Variants in IMMP2L observed in about 807,000 individuals in gnomAD.
IMMP2L encodes mitochondrial inner membrane protease subunit 2.
IMMP2L carries 18 observed loss-of-function variants against 19.3 expected under a neutral mutation model. That is an observed-to-expected ratio of 0.93 (90% CI 0.64 to 1.38). The LOEUF (loss-of-function observed/expected upper bound fraction) is 1.38. Among genes scored for constraint, IMMP2L ranks in the 40% most tolerant of loss-of-function variants. IMMP2L has a pLI of 0.00. For synonymous variants in IMMP2L, 76 were observed against 73.0 expected, an observed-to-expected ratio of 1.04 and a Z score of -0.21; for missense variants, 233 against 218.2, an observed-to-expected ratio of 1.07 and a Z score of -0.43.
At chr7:111,220,122 T>C (rs1812357849) in intron 3 of IMMP2L, among the ~76,000 whole-genome samples, 1 of 152,060 alleles carries the variant, frequency 6.6e-6, no homozygotes, top group Admixed American at 6.6e-5. Context: ...ATTACATTTT[T>C]CCAGGTACTG....
chr7:110,701,047 CTGTTT>C (rs1183766624), intron 5 of IMMP2L, among the ~76,000 whole-genome samples: 5 of 152,116 alleles, frequency 3.3e-5, no homozygotes, highest in African/African-American at 4.8e-5. Context: ...GTTAAGGAAT[CTGTTT>C]TGTTTTATGA....
intron 3 of IMMP2L, among the ~76,000 whole-genome samples, chr7:111,175,972 A>C (rs1486466087): frequency 1.3e-5 from 2 of 152,008 alleles, no homozygotes; most frequent in African/African-American, 2.4e-5. Flanking sequence ...ATCTGAATAG[A>C]TATTTCTCAA....
At chr7:110,922,162 A>G (rs2129550592) in intron 4 of IMMP2L, among the ~76,000 whole-genome samples, 1 of 152,332 alleles carries the variant, frequency 6.6e-6, no homozygotes, top group East Asian at 1.9e-4. Flanking sequence ...AAATAGAAGC[A>G]TTTAAAGAAC....
At chr7:111,450,279 C>T (rs575729154) in intron 3 of IMMP2L, among the ~76,000 whole-genome samples, 1 of 151,312 alleles carries the variant, frequency 6.6e-6, no homozygotes, top group South Asian at 2.1e-4. Context: ...AAGAACAAAG[C>T]TGGAGGCATC....
chr7:111,081,293 AAAG>A (rs1795869575), intron 3 of IMMP2L, among the ~76,000 whole-genome samples: 1 of 152,256 alleles, frequency 6.6e-6, no homozygotes, highest in African/African-American at 2.4e-5. Flanking sequence ...TTTAAGGAAA[AAAG>A]AAAATGTAAA....
intron 3 of IMMP2L, among the ~76,000 whole-genome samples, chr7:111,108,078 G>A (rs551683581): frequency 1.3e-5 from 2 of 152,108 alleles, no homozygotes; most frequent in South Asian, 4.1e-4. Flanking sequence ...TTCTCCTAAA[G>A]TACAGTGTCT....
intron 5 of IMMP2L, among the ~76,000 whole-genome samples, chr7:110,752,066 A>G (rs1235715145): frequency 6.6e-6 from 1 of 152,026 alleles, no homozygotes; most frequent in African/African-American, 2.4e-5. Flanking sequence ...CCCCTGTGAT[A>G]CTTACATGTT....
chr7:111,275,252 C>T (rs1200289225), intron 3 of IMMP2L, among the ~76,000 whole-genome samples: 1 of 152,106 alleles, frequency 6.6e-6, no homozygotes. Context: ...AGATAAGAGA[C>T]TTGGCCCAAA....
intron 5 of IMMP2L, among the ~76,000 whole-genome samples, chr7:110,715,915 G>A (rs898344672): frequency 2.0e-5 from 3 of 152,104 alleles, no homozygotes; most frequent in African/African-American, 4.8e-5. Context: ...AAGTCTAGAA[G>A]TAGTTGTTTT....
chr7:111,390,154 A>C (rs779840965), intron 3 of IMMP2L, among the ~76,000 whole-genome samples: 1 of 152,140 alleles, frequency 6.6e-6, no homozygotes, highest in Non-Finnish European at 1.5e-5. Flanking sequence ...AGTAGACTTC[A>C]ACATCGCCAC....
At chr7:110,795,085 T>C (rs1282029841) in intron 5 of IMMP2L, among the ~76,000 whole-genome samples, 1 of 152,076 alleles carries the variant, frequency 6.6e-6, no homozygotes, top group Non-Finnish European at 1.5e-5. Context: ...CACCAGGTGC[T>C]TTCCAAACAA....
intron 1 of IMMP2L, among the ~76,000 whole-genome samples, chr7:111,542,166 T>G (rs1055465213): frequency 1.3e-5 from 2 of 152,200 alleles, no homozygotes; most frequent in African/African-American, 2.4e-5. Flanking sequence ...ATAGAGTGAT[T>G]AGCCATTCAC....
chr7:110,682,441 T>C (rs935900642), intron 5 of IMMP2L, among the ~76,000 whole-genome samples: 14 of 152,092 alleles, frequency 9.2e-5, no homozygotes, highest in African/African-American at 1.9e-4. Context: ...ATACATGATA[T>C]AAAATGGAAA....
intron 3 of IMMP2L, among the ~76,000 whole-genome samples, chr7:111,175,572 A>C (rs1311614997): frequency 6.6e-6 from 1 of 150,496 alleles, no homozygotes; most frequent in Non-Finnish European, 1.5e-5. Context: ...TTTTTTTTTA[A>C]ATAGTAGAAG....
intron 3 of IMMP2L, among the ~76,000 whole-genome samples, chr7:111,208,398 CTTAA>C (rs1449467455): frequency 6.6e-6 from 1 of 152,104 alleles, no homozygotes; most frequent in Non-Finnish European, 1.5e-5. Context: ...AAAGCAAGCC[CTTAA>C]TTAATAGACC....
chr7:110,863,282 C>A (rs1377864861), intron 5 of IMMP2L, among the ~76,000 whole-genome samples: 2 of 152,116 alleles, frequency 1.3e-5, no homozygotes, highest in Non-Finnish European at 2.9e-5. Context: ...ATCAGCTTAG[C>A]TCTGCTCCAC....
At chr7:111,178,960 T>C (rs1219295351) in intron 3 of IMMP2L, among the ~76,000 whole-genome samples, 1 of 152,008 alleles carries the variant, frequency 6.6e-6, no homozygotes, top group African/African-American at 2.4e-5. Flanking sequence ...GGTGACTCCC[T>C]TCCAGGTTTT....
rs1309693767 is a variant in IMMP2L at position 111,261,156 on chromosome 7, T to C, written c.239+226082A>G. ...TAATAACATGACAAGCATTTAATTA[T>C]GGCTAATTTCTCCACCGCCTTTAAG... On this transcript the variant is annotated intron_variant, in intron 3 of 5. Transcript: ENST00000405709. 6.6e-5 allele frequency among the ~76,000 whole-genome samples: 10 copies of C among 152,246 alleles called. No homozygotes were observed. The East Asian group carries it at 9.6e-4, about 15-fold the overall frequency.
intron 3 of IMMP2L, among the ~76,000 whole-genome samples, chr7:111,165,060 C>A (rs1744531450): frequency 6.6e-6 from 1 of 152,018 alleles, no homozygotes; most frequent in African/African-American, 2.4e-5. Context: ...ACCCATTAAA[C>A]AGTAATTCCA....
Sources: gnomAD v4.1 joint callset for allele counts (sites outside exome capture counted in the v4.1 genomes callset) on GRCh38, gnomAD v4.1.1 for gene constraint, MANE v1.5 for transcripts, NCBI Gene and HGNC (gene_info 2026-07-23, HGNC 2026-07-21) for gene names.